Variants in NAV2 observed in about 807,000 individuals in gnomAD.
NAV2 encodes the protein helicase, APC down-regulated 1.
In NAV2, 54 loss-of-function variants were observed where a neutral mutation model predicts 223.2. The observed-to-expected ratio is 0.24, with a 90% CI of 0.19 to 0.30. The LOEUF (loss-of-function observed/expected upper bound fraction) is 0.30. Ranked by LOEUF, NAV2 falls within the 10% of genes least tolerant of loss-of-function variation. The pLI is 1.00. For missense variants in NAV2, 2,806 were observed against 3,147.5 expected, an observed-to-expected ratio of 0.89 and a Z score of 2.60; for synonymous variants, 1,279 against 1,239.3, an observed-to-expected ratio of 1.03 and a Z score of -0.67.
intron 1 of NAV2, among the ~76,000 whole-genome samples, chr11:19,579,166 C>T (rs2045646393): frequency 6.6e-6 from 1 of 152,186 alleles, no homozygotes; most frequent in Non-Finnish European, 1.5e-5. Flanking sequence ...GCAGACTGTC[C>T]ACCACTTCTG....
At chr11:19,495,698 C>CA (rs1042684846) in intron 1 of NAV2, among the ~76,000 whole-genome samples, 2 of 151,584 alleles carry the variant, frequency 1.3e-5, no homozygotes, top group African/African-American at 4.9e-5. Context: ...GGAATATAAA[C>CA]AAAAAAATTA....
intron 6 of NAV2, among the ~76,000 whole-genome samples, chr11:19,899,237 C>T (rs1337178730): frequency 3.9e-5 from 6 of 152,122 alleles, no homozygotes; most frequent in East Asian, 1.9e-4. Flanking sequence ...AGACATGGCT[C>T]GAGACAGAAT....
intron 1 of NAV2, among the ~76,000 whole-genome samples, chr11:19,520,161 C>A (rs1164683472): frequency 6.6e-6 from 1 of 152,210 alleles, no homozygotes; most frequent in Non-Finnish European, 1.5e-5. Context: ...CAGGCAGCCA[C>A]TGACCACAGG....
At chr11:19,688,083 A>G (rs2049073253) in intron 1 of NAV2, among the ~76,000 whole-genome samples, 1 of 152,186 alleles carries the variant, frequency 6.6e-6, no homozygotes, top group Non-Finnish European at 1.5e-5. Flanking sequence ...GAGGGGAGGC[A>G]ACCCAAAACA....
intron 16 of NAV2, among the ~76,000 whole-genome samples, chr11:20,050,858 G>A (rs2057932657): frequency 6.6e-6 from 1 of 152,192 alleles, no homozygotes; most frequent in Non-Finnish European, 1.5e-5. Flanking sequence ...TGAAGTCATT[G>A]CCAGTGGCAT....
intron 1 of NAV2, among the ~76,000 whole-genome samples, chr11:19,715,450 T>G (rs1319701): frequency 0.54 from 81,340 of 151,806 alleles, 22,739 homozygotes; most frequent in African/African-American, 0.69. Flanking sequence ...ATCCATGGAC[T>G]TGGGGTTTAT....
chr11:19,737,214 A>C (rs1321529806), intron 1 of NAV2, among the ~76,000 whole-genome samples: 3 of 152,234 alleles, frequency 2.0e-5, no homozygotes, highest in Non-Finnish European at 2.9e-5. Flanking sequence ...AGCCTGGTCA[A>C]TCCCAGCCAC....
At chr11:19,528,063 C>T (rs1338699873) in intron 1 of NAV2, among the ~76,000 whole-genome samples, 1 of 152,116 alleles carries the variant, frequency 6.6e-6, no homozygotes, top group East Asian at 1.9e-4. Context: ...GAAATCAAGC[C>T]ACGTTCCCTG....
At chr11:19,938,351 G>A (rs1565599961) in intron 7 of NAV2, among the ~76,000 whole-genome samples, 1 of 152,184 alleles carries the variant, frequency 6.6e-6, no homozygotes, top group Non-Finnish European at 1.5e-5. Flanking sequence ...GCCTCTAAAT[G>A]GTCATCTAGA....
chr11:19,746,446 A>C (rs2053350109), intron 1 of NAV2, among the ~76,000 whole-genome samples: 1 of 152,130 alleles, frequency 6.6e-6, no homozygotes, highest in African/African-American at 2.4e-5. Context: ...GTAGAGCATG[A>C]TTGGAAATTC....
intron 1 of NAV2, among the ~76,000 whole-genome samples, chr11:19,739,676 CCTGGT>C (rs1218361676): frequency 5.9e-5 from 9 of 152,248 alleles, no homozygotes; most frequent in African/African-American, 2.2e-4. Flanking sequence ...ATGTCTTATA[CCTGGT>C]CAGCTTCTTG....
At chr11:20,006,707 C>A (rs2053109489) in intron 11 of NAV2, among the ~76,000 whole-genome samples, 1 of 146,766 alleles carries the variant, frequency 6.8e-6, no homozygotes, top group African/African-American at 2.6e-5. Flanking sequence ...AATAAATTAG[C>A]CAGGCATAGT....
At chr11:19,543,462 C>G (rs1327554311) in intron 1 of NAV2, among the ~76,000 whole-genome samples, 2 of 152,158 alleles carry the variant, frequency 1.3e-5, no homozygotes, top group Admixed American at 1.3e-4. Flanking sequence ...TGTATCTATT[C>G]TTTTTCTTTT....
chr11:19,500,629 A>G (rs960032252), intron 1 of NAV2, among the ~76,000 whole-genome samples: 1 of 152,236 alleles, frequency 6.6e-6, no homozygotes, highest in African/African-American at 2.4e-5. Flanking sequence ...AATTCCAGCC[A>G]TCCCTCGTGG....
At chr11:19,392,764 A>G (rs939453540) in intron 1 of NAV2, among the ~76,000 whole-genome samples, 6 of 152,236 alleles carry the variant, frequency 3.9e-5, no homozygotes, top group African/African-American at 1.4e-4. Flanking sequence ...AAACTGCCAC[A>G]TAGTTCCTAC....
At chr11:19,780,718 G>A (rs927916022) in intron 1 of NAV2, among the ~76,000 whole-genome samples, 7 of 152,218 alleles carry the variant, frequency 4.6e-5, no homozygotes, top group African/African-American at 1.2e-4. Flanking sequence ...TGAGCTCAGC[G>A]TTCTGCAATT....
At chr11:19,622,312 T>G (rs181925509) in intron 1 of NAV2, among the ~76,000 whole-genome samples, 124 of 152,222 alleles carry the variant, frequency 8.1e-4, no homozygotes, top group Middle Eastern at 3.4e-3. Context: ...GGATATCCTT[T>G]TTAACTTTCT....
At chr11:19,688,522 G>A (rs1197322993) in intron 1 of NAV2, among the ~76,000 whole-genome samples, 2 of 152,100 alleles carry the variant, frequency 1.3e-5, no homozygotes, top group Non-Finnish European at 2.9e-5. Context: ...TATATGAGAA[G>A]TAAAAATATT....
At chr11:19,610,240 AT>A (rs964619862) in intron 1 of NAV2, among the ~76,000 whole-genome samples, 14 of 151,962 alleles carry the variant, frequency 9.2e-5, no homozygotes, top group Admixed American at 3.9e-4. Context: ...CAATTCAATC[AT>A]TTTTTTTCTT....
Sources: gnomAD v4.1 joint callset for allele counts (sites outside exome capture counted in the v4.1 genomes callset) on GRCh38, gnomAD v4.1.1 for gene constraint, MANE v1.5 for transcripts, NCBI Gene and HGNC (gene_info 2026-07-23, HGNC 2026-07-21) for gene names.